The following GAB4 variants were observed in gnomAD, a reference collection of about 807,000 sequenced individuals.
The protein encoded by GAB4 is GRB2-associated-binding protein 4.
GAB4 carries 26 observed loss-of-function variants against 51.3 expected under a neutral mutation model. The ratio of observed to expected loss-of-function variants is 0.51; its 90% CI spans 0.37 to 0.70. The LOEUF (loss-of-function observed/expected upper bound fraction) is 0.70, where lower values mean the gene tolerates loss of function less well. Ranked by LOEUF, GAB4 falls within the 30% of genes least tolerant of loss-of-function variation. The pLI, the probability that GAB4 is intolerant of heterozygous loss-of-function variation, is 0.00. For missense variants in GAB4, 759 were observed against 734.6 expected (o/e 1.03, Z -0.38); for synonymous variants, 329 against 291.2 (o/e 1.13, Z -1.32).
At chr22:16,989,022 C>T (rs752608742) in intron 2 of GAB4, among the ~76,000 whole-genome samples, 6 of 152,182 alleles carry the variant, frequency 3.9e-5, no homozygotes, top group Non-Finnish European at 7.3e-5. Flanking sequence ...CCGTTACATG[C>T]GTGATCCCAT....
chr22:17,001,599 G>A (rs947487009), intron 1 of GAB4, among the ~76,000 whole-genome samples: 7 of 152,094 alleles, frequency 4.6e-5, no homozygotes, highest in South Asian at 2.1e-4. Flanking sequence ...CCTTTAGCTC[G>A]GAGAAGTTCA....
chr22:17,002,864 C>T (rs528075174), intron 1 of GAB4, among the ~76,000 whole-genome samples: 5 of 152,146 alleles, frequency 3.3e-5, no homozygotes, highest in East Asian at 3.9e-4. Flanking sequence ...GGGCTAAATG[C>T]CCCAATTAAA....
At chr22:16,991,802 G>T (rs2060916144) in intron 2 of GAB4, 71 bp downstream of exon 2, 1 of 1,304,412 alleles carries the variant, frequency 7.7e-7, no homozygotes, top group Non-Finnish European at 1.1e-6. Context: ...AGCTAGAGCT[G>T]CCCTCCTTGC....
At chr22:17,005,299 G>T (rs1435056203) in intron 1 of GAB4, among the ~76,000 whole-genome samples, 4 of 152,132 alleles carry the variant, frequency 2.6e-5, no homozygotes, top group Non-Finnish European at 5.9e-5. Context: ...TACAAGAGAT[G>T]TGAAGGACTT....
intron 8 of GAB4, among the ~76,000 whole-genome samples, chr22:16,964,383 T>C (rs2060653826): frequency 6.6e-6 from 1 of 152,158 alleles, no homozygotes; most frequent in South Asian, 2.1e-4. Flanking sequence ...CTAAGGGGCA[T>C]CCTGTGTTCC....
rs2060916363 is a variant in GAB4 at position 16,991,832 on chromosome 22, T to C, written c.478+41A>G. 2.0e-6 allele frequency: 3 copies of C among 1,509,976 alleles called. No individual in the cohort carries two copies. The African/African-American group carries it at 4.1e-5, about 21-fold the overall frequency. 93.5% of individuals were successfully genotyped at this position (1,509,976 alleles called of 1,614,324 possible). On this transcript the variant is annotated intron_variant, in intron 2 of 9. Transcript: ENST00000400588. The stretch of plus-strand genomic sequence containing the variant: ...CCTTGCTGGAGATTGGAGGGCCTCA[T>C]CTCAGCCCCTCCTGAGACAGGGCTG...
chr22:16,966,199 C>T lies in GAB4; in HGVS notation c.1189G>A (p.Gly397Ser). 6.2e-7 allele frequency: 1 copy of T among 1,614,060 alleles called. No homozygotes were observed. The highest frequency in any genetic ancestry group is 8.5e-7 in the Non-Finnish European group (1 of 1,179,994). Residue 397 changes from glycine (G) to serine (S), a missense_variant, in exon 6 of 10, where the codon GGC becomes AGC. By Grantham distance (56) the Gly-to-Ser change is moderately conservative. Coordinates refer to ENST00000400588, the MANE Select transcript of GAB4 (RefSeq NM_001037814.1). Reference sequence around the variant, plus strand: ...ATAGAAAGCTCTGTGAGTGGGGAGCCAAGCAGGTCAAAGCGAACAAGACAT... The same window carrying T: ...ATAGAAAGCTCTGTGAGTGGGGAGCTAAGCAGGTCAAAGCGAACAAGACAT... ...GSCLVRFDLL[G>S]SPLTELSMHQ...
chr22:16,981,937 T>A (rs2060830535), intron 3 of GAB4, among the ~76,000 whole-genome samples: 1 of 152,158 alleles, frequency 6.6e-6, no homozygotes, highest in East Asian at 1.9e-4. Flanking sequence ...ATACACCACA[T>A]TAATAGATTC....
At chr22:16,988,434 A>C (rs1460536737) in intron 2 of GAB4, among the ~76,000 whole-genome samples, 1 of 152,136 alleles carries the variant, frequency 6.6e-6, no homozygotes, top group African/African-American at 2.4e-5. Context: ...GTGGTTCCCC[A>C]CAGTCCAGGA....
rs148663618 is a variant in GAB4 at position 17,008,195 on chromosome 22, G to A, written c.-81C>T. On this transcript the variant is annotated 5_prime_UTR_variant, in exon 1 of 10. Coordinates refer to ENST00000400588, the MANE Select transcript of GAB4 (RefSeq NM_001037814.1). ...AGGTGGGGTGTGAGGGACGGCTTGCGATACCCTGGGACTGCGGGGTAGAAA... is the reference window on the plus strand; with the variant it reads ...AGGTGGGGTGTGAGGGACGGCTTGCAATACCCTGGGACTGCGGGGTAGAAA... 1,952 of 999,974 alleles carry A rather than the reference G, an allele frequency of 2.0e-3. 4 individuals carry two copies. Among genetic ancestry groups the A allele is most frequent in the Middle Eastern group, 0.011 (35 of 3,268 alleles). 61.9% of individuals were successfully genotyped at this position (999,974 alleles called of 1,614,324 possible).
chr22:16,967,241 G>T, intron 5 of GAB4: 1 of 150,466 alleles, frequency 6.6e-6, no homozygotes, highest in Non-Finnish European at 1.5e-5. Flanking sequence ...ATGTCCACGT[G>T]GGTTTCCGGA....
intron 3 of GAB4, among the ~76,000 whole-genome samples, chr22:16,985,484 C>T (rs545554121): frequency 1.1e-4 from 17 of 152,336 alleles, no homozygotes; most frequent in African/African-American, 4.1e-4. Flanking sequence ...TGCCTTCAAA[C>T]AATTGTTTTC....
chr22:16,973,041 A>C (rs2060745724), intron 3 of GAB4, among the ~76,000 whole-genome samples: 2 of 152,056 alleles, frequency 1.3e-5, no homozygotes, highest in African/African-American at 2.4e-5. Context: ...CTGTCCCTGG[A>C]TGGCTTCTGA....
intron 1 of GAB4, among the ~76,000 whole-genome samples, chr22:17,004,148 CA>C (rs1258785055): frequency 1.3e-5 from 2 of 152,088 alleles, no homozygotes; most frequent in African/African-American, 4.8e-5. Flanking sequence ...CTGAATAAAC[CA>C]ATAATAAATT....
chr22:16,968,444 C>T (rs1033455414), intron 4 of GAB4, 61 bp from the exon 5 acceptor site: 4 of 1,222,450 alleles, frequency 3.3e-6, no homozygotes, highest in Admixed American at 1.7e-5. Context: ...ATGCCTCCCA[C>T]GCCCTCCCCA....
intron 1 of GAB4, 103 bp downstream of exon 1, chr22:17,007,838 C>G (rs901020082): frequency 8.9e-7 from 1 of 1,123,964 alleles, no homozygotes; most frequent in Non-Finnish European, 1.2e-6. Context: ...GTCGCCTCCA[C>G]CCGCAGCTCC....
chr22:16,982,795 C>T (rs554092669), intron 3 of GAB4, among the ~76,000 whole-genome samples: 1 of 152,300 alleles, frequency 6.6e-6, no homozygotes, highest in African/African-American at 2.4e-5. Flanking sequence ...GCAGGGCTTG[C>T]ATGTCTGACA....
intron 1 of GAB4, among the ~76,000 whole-genome samples, chr22:16,999,073 T>C (rs371228280): frequency 5.3e-5 from 8 of 152,354 alleles, no homozygotes; most frequent in East Asian, 3.9e-4. Context: ...TGCATTGATG[T>C]TCATCAGGGA....
At position 16,970,130 on chromosome 22, in the gene GAB4, T is replaced by C. The variant is rs1460823886; in HGVS notation, c.750A>G (p.Gln250=). 2 of 1,614,104 alleles carry C rather than the reference T, an allele frequency of 1.2e-6. No individual in the cohort carries two copies. The highest frequency in any genetic ancestry group is 1.7e-6 in the Non-Finnish European group (2 of 1,180,020). Residue 250 remains glutamine (Q), a synonymous_variant, in exon 4 of 10, where the codon CAA becomes CAG. Transcript: ENST00000400588. ...TGTATCCACTGTGCTGGGCAAGATT[T>C]TGCATGGCTGTGTTTCTCCTCATGA... ...PFIMRRNTAM[Q]NLAQHSGYSV...
Sources: gnomAD v4.1 joint callset for allele counts (sites outside exome capture counted in the v4.1 genomes callset) on GRCh38, gnomAD v4.1.1 for gene constraint, MANE v1.5 for transcripts, NCBI Gene and HGNC (gene_info 2026-07-23, HGNC 2026-07-21) for gene names.